Variants in PCBP3 observed in about 807,000 individuals in gnomAD.
PCBP3 encodes poly(rC) binding protein 3, also known as poly(rC)-binding protein 3.
In PCBP3, 25 loss-of-function variants were observed where a neutral mutation model predicts 52.7. The ratio of observed to expected loss-of-function variants is 0.47; its 90% confidence interval spans 0.35 to 0.66. PCBP3 has a LOEUF of 0.66. Among genes scored for constraint, PCBP3 ranks in the 30% least tolerant of loss-of-function variants. The pLI is 0.01. For synonymous variants in PCBP3, 162 were observed against 183.0 expected (o/e 0.89, Z 0.93); for missense variants, 391 against 490.3 (o/e 0.80, Z 1.91).
chr21:45,873,070 G>T (rs1272903720), intron 5 of PCBP3: 1 of 152,114 alleles, frequency 6.6e-6, no homozygotes, highest in African/African-American at 2.4e-5. Flanking sequence ...AGCGGGGCGG[G>T]TCATCTGGTG....
intron 1 of PCBP3, among the ~76,000 whole-genome samples, chr21:45,660,945 A>C (rs1051003669): frequency 2.0e-5 from 3 of 152,070 alleles, no homozygotes; most frequent in Admixed American, 1.3e-4. Flanking sequence ...GGAGGCTGAG[A>C]CAGGAGAATT....
rs1451206685 is a variant in PCBP3 at position 45,736,612 on chromosome 21, G to C, written c.-162+1183G>C. On this transcript the variant is annotated intron_variant, in intron 3 of 17. Coordinates refer to ENST00000681687, the MANE Select transcript of PCBP3 (RefSeq NM_001384156.1). The surrounding 1 kb of genome is among the most constrained non-coding windows in gnomAD (Gnocchi z 4.6). Reference sequence around the variant, plus strand: ...GTTGGCAGGGGGAGGCTCTCGGAGAGATGGCATGGAGGGGTTGGGGCCTGT... The same window carrying C: ...GTTGGCAGGGGGAGGCTCTCGGAGACATGGCATGGAGGGGTTGGGGCCTGT... Among the ~76,000 whole-genome samples the C allele has an allele frequency of 6.6e-6, 1 of 152,166 alleles. No individual in the cohort carries two copies. Among genetic ancestry groups the C allele is most frequent in the African/African-American group, 2.4e-5 (1 of 41,422 alleles).
chr21:45,871,232 C>G (rs534030250), intron 5 of PCBP3: 2 of 166,524 alleles, frequency 1.2e-5, no homozygotes, highest in East Asian at 3.8e-4. Context: ...CAGTCCAGTG[C>G]CCGGGAGAGA....
In PCBP3 at chr21:45,821,907, C is replaced by G. The variant is rs16978611; in HGVS notation, c.-125-28054C>G. On this transcript the variant is annotated intron_variant, in intron 4 of 17. Coordinates refer to ENST00000681687, the MANE Select transcript of PCBP3 (RefSeq NM_001384156.1). The surrounding 1 kb of genome is among the most constrained non-coding windows in gnomAD (Gnocchi z 4.4). ...GAGGCTCCTCCTTAGGGTGCATTGT[C>G]ACTCGGCGTTTCCGACACCTGCTCT... Among the ~76,000 whole-genome samples the G allele has an allele frequency of 6.6e-6, 1 of 152,234 alleles. No homozygotes were observed. Among genetic ancestry groups the G allele is most frequent in the African/African-American group, 2.4e-5 (1 of 41,458 alleles).
intron 1 of PCBP3, among the ~76,000 whole-genome samples, chr21:45,659,337 CTTTTTTTTTTT>C (rs36113182): frequency 5.1e-5 from 4 of 78,740 alleles, no homozygotes; most frequent in East Asian, 3.3e-4. Context: ...TTTTACTTTC[CTTTTTTTTTTT>C]TTTTTTTTTT....
chr21:45,834,881 C>A (rs2093544326), intron 4 of PCBP3, among the ~76,000 whole-genome samples: 2 of 152,258 alleles, frequency 1.3e-5, no homozygotes, highest in African/African-American at 4.8e-5. Context: ...GAGTGCACAA[C>A]CCAGCTCGGG....
At chr21:45,757,000 G>A (rs1345325145) in intron 4 of PCBP3, among the ~76,000 whole-genome samples, 2 of 152,274 alleles carry the variant, frequency 1.3e-5, no homozygotes, top group Middle Eastern at 3.4e-3. Context: ...TCCTGTACAA[G>A]TTTTTTATAT....
intron 2 of PCBP3, among the ~76,000 whole-genome samples, chr21:45,700,964 C>G (rs1200906019): frequency 6.6e-6 from 1 of 152,080 alleles, no homozygotes; most frequent in Non-Finnish European, 1.5e-5. Context: ...ATCCCTGATC[C>G]CCTTCTCAGA....
chr21:45,765,013 G>A (rs972021201), intron 4 of PCBP3, among the ~76,000 whole-genome samples: 7 of 152,208 alleles, frequency 4.6e-5, no homozygotes, highest in African/African-American at 1.4e-4. Context: ...GTGGCGAGAC[G>A]TGGACTTGCT....
chr21:45,825,381 GGA>G (rs984814043), intron 4 of PCBP3, among the ~76,000 whole-genome samples: 1 of 152,292 alleles, frequency 6.6e-6, no homozygotes, highest in South Asian at 2.1e-4. Flanking sequence ...ATGAGGCAAG[GGA>G]GAGTGTCCCC....
Position 45,853,009 on chromosome 21 carries a change from G to A in PCBP3, c.10+2914G>A, listed in dbSNP as rs960653091. On this transcript the variant is annotated intron_variant, in intron 5 of 17. Coordinates refer to ENST00000681687, the MANE Select transcript of PCBP3 (RefSeq NM_001384156.1). The surrounding 1 kb of genome is among the most constrained non-coding windows in gnomAD (Gnocchi z 4.6). ...TCTGAGAGATGCAGAGTGACATGGCGTGTACACTTCCCACAGCTGAGACCA... is the reference window on the plus strand; with the variant it reads ...TCTGAGAGATGCAGAGTGACATGGCATGTACACTTCCCACAGCTGAGACCA... Among the ~76,000 whole-genome samples the A allele has an allele frequency of 6.6e-6, 1 of 152,340 alleles. No individual in the cohort carries two copies. The highest frequency in any genetic ancestry group is 1.5e-5 in the Non-Finnish European group (1 of 68,030).
chr21:45,941,244 G>A lies in PCBP3; in HGVS notation c.1080-426G>A, dbSNP rs1325925762. 1.2e-4 allele frequency among the ~76,000 whole-genome samples: 18 copies of A among 152,288 alleles called. 1 individual carries two copies. In the East Asian group the frequency reaches 1.7e-3, roughly 15 times the overall value. On this transcript the variant is annotated intron_variant, in intron 17 of 17. Coordinates refer to ENST00000681687, the MANE Select transcript of PCBP3 (RefSeq NM_001384156.1). ...GATGGGGCTTGTCAGGGAGGTTCCC[G>A]CCTGCCAGACCGCATTACTGACAGC...
intron 11 of PCBP3, chr21:45,911,346 T>C (rs758150548): frequency 1.7e-5 from 6 of 363,170 alleles, no homozygotes; most frequent in Non-Finnish European, 3.2e-5. Context: ...CTGCACTGAG[T>C]TGGAGCTGCA....
At chr21:45,662,401 T>G (rs891501995) in intron 1 of PCBP3, among the ~76,000 whole-genome samples, 2 of 148,742 alleles carry the variant, frequency 1.3e-5, no homozygotes, top group Non-Finnish European at 3.0e-5. Flanking sequence ...GGATTACAGG[T>G]GTGAGCCACT....
intron 4 of PCBP3, among the ~76,000 whole-genome samples, chr21:45,801,214 C>A (rs1369794027): frequency 6.6e-6 from 1 of 152,198 alleles, no homozygotes; most frequent in Non-Finnish European, 1.5e-5. Flanking sequence ...GTCATGAGGA[C>A]CCTGGAGTGT....
Position 45,849,999 on chromosome 21 carries a change from A to G in PCBP3, c.-87A>G. 2.3e-6 allele frequency: 3 copies of G among 1,279,162 alleles called. No individual in the cohort carries two copies. The highest frequency in any genetic ancestry group is 2.0e-5 in the Admixed American group (1 of 50,586). The allele number at this position is 1,279,162 out of a possible 1,614,324, so 79.2% of individuals were successfully genotyped here. A position where few individuals can be genotyped will look rare whatever the true frequency, so the allele number is the denominator to read the frequency against. On this transcript the variant is annotated 5_prime_UTR_variant, in exon 5 of 18. Coordinates refer to ENST00000681687, the MANE Select transcript of PCBP3 (RefSeq NM_001384156.1). ...ACGACAAAAGTCAACCCTTCTGTAA[A>G]TCACCTGCTGTGGTTATGATGCTCT... is the stretch of plus-strand genomic sequence containing the variant.
At chr21:45,679,386 G>T (rs1307665968) in intron 2 of PCBP3, among the ~76,000 whole-genome samples, 1 of 152,152 alleles carries the variant, frequency 6.6e-6, no homozygotes, top group Non-Finnish European at 1.5e-5. Flanking sequence ...TTCCCAAAGT[G>T]CTGGGATTAC....
At chr21:45,886,223 G>A (rs77449245) in intron 5 of PCBP3, among the ~76,000 whole-genome samples, 5 of 99,570 alleles carry the variant, frequency 5.0e-5, no homozygotes, top group Admixed American at 3.2e-4. Context: ...TCATTGCTGC[G>A]GGTGCCAAGG....
At chr21:45,748,750 T>G (rs1401667813) in intron 3 of PCBP3, among the ~76,000 whole-genome samples, 2 of 152,238 alleles carry the variant, frequency 1.3e-5, no homozygotes, top group Non-Finnish European at 2.9e-5. Context: ...TCCCTTGTGT[T>G]AAGCTGGCAG....
Sources: gnomAD v4.1 joint callset for allele counts (sites outside exome capture counted in the v4.1 genomes callset) on GRCh38, gnomAD v4.1.1 for gene constraint, Gnocchi (gnomAD v3.1) non-coding constraint, MANE v1.5 for transcripts, NCBI Gene and HGNC (gene_info 2026-07-23, HGNC 2026-07-21) for gene names.